DNAAF9: variants seen among roughly 807,000 people sequenced by gnomAD.
The protein encoded by DNAAF9 is dynein axonemal assembly factor 9, also known as shulin.
Under a neutral mutation model 167.0 loss-of-function variants are expected in DNAAF9, and 90 were observed. The observed-to-expected ratio is 0.54, with a 90% CI of 0.45 to 0.64. DNAAF9 has a LOEUF of 0.64. Ranked by LOEUF, DNAAF9 falls within the 30% of genes least tolerant of loss-of-function variation. The probability of loss-of-function intolerance (pLI) is 0.00; values close to 1 mark genes in which losing one functional copy is unlikely to be tolerated. For missense variants in DNAAF9, 1,315 were observed against 1,442.2 expected (o/e 0.91, Z 1.43); for synonymous variants, 491 against 508.8 (o/e 0.96, Z 0.47).
Position 3,268,897 on chromosome 20 carries a change from C to CTTTTTTTTTTTTTTTTTT in DNAAF9, c.2786+1512_2786+1529dup, listed in dbSNP as rs386393120. Among the ~76,000 whole-genome samples, 24 of 85,846 alleles carry CTTTTTTTTTTTTTTTTTT rather than the reference C, an allele frequency of 2.8e-4. 3 individuals carry two copies. The highest frequency in any genetic ancestry group is 7.0e-4 in the African/African-American group (15 of 21,494). 56.3% of individuals were successfully genotyped at this position (85,846 alleles called of 152,430 possible). A position where few individuals can be genotyped will look rare whatever the true frequency, so the allele number is the denominator to read the frequency against. The stretch of plus-strand genomic sequence containing the variant: ...GTAAAGAGATAATATCTCTATGTTA[C>CTTTTTTTTTTTTTTTTTT]TTTTTTTTTTTTTTTTTTTTTTTTG... On this transcript the variant is annotated intron_variant, in intron 30 of 36. Coordinates refer to ENST00000252032, the MANE Select transcript of DNAAF9 (RefSeq NM_001009984.3).
At chr20:3,327,865 G>A (rs1172542836) in intron 12 of DNAAF9, among the ~76,000 whole-genome samples, 1 of 152,180 alleles carries the variant, frequency 6.6e-6, no homozygotes, top group African/African-American at 2.4e-5. Context: ...AACATATCCT[G>A]AAGACTTCTG....
intron 28 of DNAAF9, among the ~76,000 whole-genome samples, chr20:3,280,850 G>A (rs774939204): frequency 3.3e-5 from 5 of 152,130 alleles, no homozygotes; most frequent in Middle Eastern, 6.8e-3. Context: ...CGGGGCTCAA[G>A]CATCCTCCAA....
At chr20:3,371,902 G>A (rs1196931161) in intron 6 of DNAAF9, among the ~76,000 whole-genome samples, 1 of 152,158 alleles carries the variant, frequency 6.6e-6, no homozygotes, top group Non-Finnish European at 1.5e-5. Context: ...GTAAGAAGGA[G>A]GAAGTTAGAG....
At chr20:3,362,918 T>C (rs2083381984) in intron 6 of DNAAF9, among the ~76,000 whole-genome samples, 1 of 152,160 alleles carries the variant, frequency 6.6e-6, no homozygotes, top group African/African-American at 2.4e-5. Flanking sequence ...TGGAACACAT[T>C]ATCCAACAGC....
At position 3,331,413 on chromosome 20, in the gene DNAAF9, G is replaced by A. The variant is rs565100233; in HGVS notation, c.1064-731C>T. ...TCCAGAATAAAATACGGTTCCTGAC[G>A]TACTCTCCTCTGTGTAGCAATGCTG... On this transcript the variant is annotated intron_variant, in intron 11 of 36. Coordinates refer to ENST00000252032, the MANE Select transcript of DNAAF9 (RefSeq NM_001009984.3). Among the ~76,000 whole-genome samples, 42 of 152,062 alleles carry A rather than the reference G, an allele frequency of 2.8e-4. 1 individual carries two copies. The South Asian group carries it at 5.2e-3, about 19-fold the overall frequency.
chr20:3,406,904 T>C (rs2084066485), intron 1 of DNAAF9, among the ~76,000 whole-genome samples: 1 of 151,474 alleles, frequency 6.6e-6, no homozygotes, highest in Non-Finnish European at 1.5e-5. Flanking sequence ...TGTCATTATG[T>C]ACGTAGGGGG....
chr20:3,281,633 G>A lies in DNAAF9; in HGVS notation c.2612+8C>T. The A allele has an allele frequency of 6.2e-7, 1 of 1,603,016 alleles. No homozygotes were observed. Among genetic ancestry groups the A allele is most frequent in the South Asian group, 1.1e-5 (1 of 88,752 alleles). ...TCAGTACACTTACACACCATATCCT[G>A]TATCTACCTGTGCTCCATGTAGCAG... On this transcript the variant is annotated splice_region_variant and intron_variant, in intron 28 of 36. Coordinates refer to ENST00000252032, the MANE Select transcript of DNAAF9 (RefSeq NM_001009984.3).
chr20:3,317,562 A>G lies in DNAAF9; in HGVS notation c.1468+727T>C, dbSNP rs375966895. Among the ~76,000 whole-genome samples, 377 of 152,226 alleles carry G rather than the reference A, an allele frequency of 2.5e-3. 1 individual carries two copies. The highest frequency in any genetic ancestry group is 8.3e-3 in the African/African-American group (343 of 41,538). On this transcript the variant is annotated intron_variant, in intron 17 of 36. Transcript: ENST00000252032. The stretch of plus-strand genomic sequence containing the variant: ...AATAAATCTTTAGAATATTTTGCCA[A>G]CCTAACAGGTAAAAAAATAATATCT...
intron 29 of DNAAF9, among the ~76,000 whole-genome samples, chr20:3,277,492 C>T (rs1015034034): frequency 6.6e-6 from 1 of 152,092 alleles, no homozygotes; most frequent in Non-Finnish European, 1.5e-5. Context: ...GATGAGACAG[C>T]CCTCCTTGGT....
intron 7 of DNAAF9, among the ~76,000 whole-genome samples, chr20:3,351,055 A>T (rs1342313540): frequency 6.6e-6 from 1 of 152,232 alleles, no homozygotes; most frequent in Admixed American, 6.5e-5. Flanking sequence ...TTCTTGATAA[A>T]GAATATAACA....
chr20:3,310,392 T>A (rs1174447348), intron 20 of DNAAF9, among the ~76,000 whole-genome samples: 12 of 61,824 alleles, frequency 1.9e-4, no homozygotes, highest in Non-Finnish European at 2.8e-4. Flanking sequence ...AAAGAAAGAA[T>A]TCCTAAAATA....
At position 3,324,941 on chromosome 20, in the gene DNAAF9, CCA is replaced by C; in HGVS notation, c.1214_1215del (p.Leu405ArgfsTer8). 6.2e-7 allele frequency: 1 copy of C among 1,608,460 alleles called. No individual in the cohort carries two copies. On this transcript the variant is annotated frameshift_variant, in exon 14 of 37. Transcript: ENST00000252032. LOFTEE classifies it high-confidence loss of function. ...TKAKEVAEQT[L>X]GSGLDSFELI... is the part of the protein sequence containing the mutation. ...AACTCAAAGGAATCTAACCCAGATC[CCA>C]GAGTTTGCTCTGCTACCTCCTTGGC... is the stretch of plus-strand genomic sequence containing the variant.
intron 23 of DNAAF9, chr20:3,295,777 AATG>A: frequency 1.3e-6 from 1 of 773,598 alleles, no homozygotes; most frequent in Non-Finnish European, 2.3e-6. Flanking sequence ...TTGTCCTGCA[AATG>A]ATGTTCTGCA....
chr20:3,392,638 T>G (rs1311983538), intron 1 of DNAAF9, among the ~76,000 whole-genome samples: 1 of 152,222 alleles, frequency 6.6e-6, no homozygotes, highest in Non-Finnish European at 1.5e-5. Context: ...TATATGTAAA[T>G]AGTTAACTCA....
In DNAAF9 at chr20:3,274,961, G is replaced by A. The variant is rs193092403; in HGVS notation, c.2650+3951C>T. On this transcript the variant is annotated intron_variant, in intron 29 of 36. Coordinates refer to ENST00000252032, the MANE Select transcript of DNAAF9 (RefSeq NM_001009984.3). ...CCCCTGCCTCTAGTCTTTGGTACCT[G>A]TGTTCGCATGGCCATTTGGAAAGGT... Among the ~76,000 whole-genome samples the A allele has an allele frequency of 1.2e-4, 18 of 152,340 alleles. No individual in the cohort carries two copies. In the East Asian group the frequency reaches 3.3e-3, roughly 28 times the overall value.
At chr20:3,343,945 T>C (rs2070139827) in intron 8 of DNAAF9, among the ~76,000 whole-genome samples, 1 of 151,870 alleles carries the variant, frequency 6.6e-6, no homozygotes, top group South Asian at 2.1e-4. Context: ...TGGAAAGATG[T>C]GTACGGTTAA....
At chr20:3,403,860 C>G (rs2084020496) in intron 1 of DNAAF9, among the ~76,000 whole-genome samples, 1 of 152,048 alleles carries the variant, frequency 6.6e-6, no homozygotes, top group African/African-American at 2.4e-5. Flanking sequence ...TGCTATGTTG[C>G]CCAGACTGGA....
At chr20:3,276,984 C>T (rs2068685404) in intron 29 of DNAAF9, among the ~76,000 whole-genome samples, 1 of 152,202 alleles carries the variant, frequency 6.6e-6, no homozygotes. Context: ...TCCCCTCTAT[C>T]AAACCTAGTA....
intron 2 of DNAAF9, 69 bp from the exon 3 acceptor site, chr20:3,381,567 C>T: frequency 6.6e-7 from 1 of 1,519,502 alleles, no homozygotes; most frequent in Non-Finnish European, 8.8e-7. Context: ...ATAATTTGCC[C>T]CTGCTTAGCA....
Sources: allele counts gnomAD v4.1 joint callset (sites outside exome capture counted in the v4.1 genomes callset), GRCh38; gene constraint gnomAD v4.1.1; transcripts MANE v1.5; gene names NCBI Gene and HGNC (gene_info 2026-07-23, HGNC 2026-07-21).